DIP2C: variants seen among roughly 807,000 people sequenced by gnomAD.
DIP2C encodes the protein DIP2 acetate--CoA ligase C (putative).
Under a neutral mutation model 192.4 loss-of-function variants are expected in DIP2C, and 33 were observed. The ratio of observed to expected loss-of-function variants is 0.17; its 90% CI spans 0.13 to 0.23. DIP2C has a LOEUF of 0.23. Ranked by LOEUF, DIP2C falls within the 10% of genes least tolerant of loss-of-function variation. The pLI is 1.00. For synonymous variants in DIP2C, 979 were observed against 864.1 expected (o/e 1.13, Z -2.33); for missense variants, 1,537 against 2,110.1 (o/e 0.73, Z 5.32).
intron 28 of DIP2C, among the ~76,000 whole-genome samples, chr10:344,377 C>T (rs1281490226): frequency 6.3e-5 from 7 of 110,850 alleles, no homozygotes; most frequent in Admixed American, 4.3e-4. Context: ...GCGAAGTCCC[C>T]AAGGGTGGGG....
At chr10:415,637 T>TG in intron 7 of DIP2C, 132 bp downstream of exon 7, 1 of 1,256,008 alleles carries the variant, frequency 8.0e-7, no homozygotes, top group Admixed American at 2.0e-5. Context: ...GCTCCCTACC[T>TG]GGGTTCCCAT....
chr10:447,188 C>T (rs1170021847), intron 3 of DIP2C, among the ~76,000 whole-genome samples: 1 of 139,786 alleles, frequency 7.2e-6, no homozygotes, highest in Non-Finnish European at 1.5e-5. Flanking sequence ...TACTCAGGAT[C>T]ACACACAGTG....
intron 1 of DIP2C, among the ~76,000 whole-genome samples, chr10:590,672 C>A (rs1378744884): frequency 6.6e-6 from 1 of 152,226 alleles, no homozygotes; most frequent in African/African-American, 2.4e-5. Context: ...AACACTATAT[C>A]TCTACAAGTT....
intron 29 of DIP2C, among the ~76,000 whole-genome samples, chr10:333,574 G>A (rs1305764058): frequency 2.6e-5 from 4 of 152,228 alleles, no homozygotes; most frequent in Non-Finnish European, 5.9e-5. Flanking sequence ...TTGTTTCCTT[G>A]TGTTGACCGA....
At chr10:661,931 C>T (rs1856787015) in intron 1 of DIP2C, 6 of 669,150 alleles carry the variant, frequency 9.0e-6, no homozygotes, top group Middle Eastern at 2.4e-4. Context: ...CATCTGCCTT[C>T]CTGCACTCCC....
Position 367,188 on chromosome 10 carries a change from C to A in DIP2C, c.2132-777G>T, listed in dbSNP as rs185934000. On this transcript the variant is annotated intron_variant, in intron 18 of 36. Coordinates refer to ENST00000280886, the MANE Select transcript of DIP2C (RefSeq NM_014974.3). ...ATCCCAGTACTTTGGGAGGCCGAGG[C>A]GGGCGGATCACAAGGTCAGGAGATC... is the stretch of plus-strand genomic sequence containing the variant. Among the ~76,000 whole-genome samples the A allele has an allele frequency of 6.1e-4, 93 of 152,302 alleles. No individual in the cohort carries two copies. The East Asian group carries it at 0.013, about 21-fold the overall frequency.
intron 1 of DIP2C, among the ~76,000 whole-genome samples, chr10:597,498 G>A (rs983095961): frequency 2.0e-5 from 3 of 152,212 alleles, no homozygotes; most frequent in Non-Finnish European, 4.4e-5. Context: ...GGTGAATGGA[G>A]ACCAATGGAC....
chr10:428,777 G>C (rs1966754616), intron 4 of DIP2C, among the ~76,000 whole-genome samples: 2 of 152,042 alleles, frequency 1.3e-5, no homozygotes. Flanking sequence ...TTGTGTCACA[G>C]GAGCTTGAGG....
chr10:660,522 C>A (rs1455614290), intron 1 of DIP2C, among the ~76,000 whole-genome samples: 1 of 152,196 alleles, frequency 6.6e-6, no homozygotes, highest in African/African-American at 2.4e-5. Flanking sequence ...GAAACAGATT[C>A]TAGCTCTTGT....
intron 2 of DIP2C, among the ~76,000 whole-genome samples, chr10:481,468 A>G (rs1421290615): frequency 6.6e-6 from 1 of 152,200 alleles, no homozygotes; most frequent in Non-Finnish European, 1.5e-5. Context: ...AGCTGTTCTC[A>G]TGAGAACATG....
intron 1 of DIP2C, among the ~76,000 whole-genome samples, chr10:536,071 C>A (rs1415239003): frequency 6.6e-6 from 1 of 152,208 alleles, no homozygotes; most frequent in African/African-American, 2.4e-5. Flanking sequence ...TAAATTGATT[C>A]TCTCCCAGTC....
chr10:610,341 AAC>A (rs1370987630), intron 1 of DIP2C, among the ~76,000 whole-genome samples: 4 of 152,336 alleles, frequency 2.6e-5, no homozygotes, highest in East Asian at 3.9e-4. Context: ...AAGGGGCACA[AAC>A]ACACAGCCTG....
rs183647772 is a variant in DIP2C, at chr10:611,632, C to T, written c.85+77862G>A. Among the ~76,000 whole-genome samples, 23 of 152,294 alleles carry T rather than the reference C, an allele frequency of 1.5e-4. No individual in the cohort carries two copies. In the East Asian group the frequency reaches 3.5e-3, roughly 23 times the overall value. On this transcript the variant is annotated intron_variant, in intron 1 of 36. Transcript: ENST00000280886. Reference sequence around the variant, plus strand: ...CTGAGCATTCCTTGCACTTCCCTTGCTCTGAACAATTAAACATCTTAAGCT... The same window carrying T: ...CTGAGCATTCCTTGCACTTCCCTTGTTCTGAACAATTAAACATCTTAAGCT...
At chr10:513,305 G>C (rs1048837991) in intron 1 of DIP2C, among the ~76,000 whole-genome samples, 1 of 152,236 alleles carries the variant, frequency 6.6e-6, no homozygotes, top group Non-Finnish European at 1.5e-5. Context: ...CAATAACTTA[G>C]AAGTCAAACT....
intron 1 of DIP2C, among the ~76,000 whole-genome samples, chr10:493,321 TGAG>T (rs1488288894): frequency 6.6e-6 from 1 of 152,234 alleles, no homozygotes; most frequent in Non-Finnish European, 1.5e-5. Context: ...AAGACAGCTC[TGAG>T]AAGACTATGC....
chr10:642,219 C>T (rs1295756448), intron 1 of DIP2C, among the ~76,000 whole-genome samples: 3 of 152,204 alleles, frequency 2.0e-5, no homozygotes, highest in East Asian at 1.9e-4. Context: ...AAGCAGGACT[C>T]GCTGGTGTGC....
intron 1 of DIP2C, among the ~76,000 whole-genome samples, chr10:671,300 CAG>C (rs1188574744): frequency 6.6e-6 from 1 of 152,246 alleles, no homozygotes; most frequent in African/African-American, 2.4e-5. Context: ...GGAAACACCA[CAG>C]ATCCACAGAC....
Position 664,890 on chromosome 10 carries a change from A to C in DIP2C, c.85+24604T>G, listed in dbSNP as rs1036941955. On this transcript the variant is annotated intron_variant, in intron 1 of 36. Coordinates refer to ENST00000280886, the MANE Select transcript of DIP2C (RefSeq NM_014974.3). ...AAAACAAAGTAGAGAGTTCTCACAG[A>C]CTCCTGAAGGAATATATAGTAATAA... is the stretch of plus-strand genomic sequence containing the variant. 3.3e-5 allele frequency: 5 copies of C among 152,150 alleles called. No individual in the cohort carries two copies. In the South Asian group the frequency reaches 6.2e-4, roughly 19 times the overall value. 9.4% of individuals were successfully genotyped at this position (152,150 alleles called of 1,614,324 possible).
chr10:365,802 G>A (rs559206817), intron 19 of DIP2C, among the ~76,000 whole-genome samples: 5 of 152,158 alleles, frequency 3.3e-5, no homozygotes, highest in East Asian at 1.9e-4. Flanking sequence ...TTACATACAC[G>A]TGTGCTCGAG....
Sources: gnomAD v4.1 joint callset for allele counts (sites outside exome capture counted in the v4.1 genomes callset) on GRCh38, gnomAD v4.1.1 for gene constraint, MANE v1.5 for transcripts, NCBI Gene and HGNC (gene_info 2026-07-23, HGNC 2026-07-21) for gene names.